THSD7B: variants seen among roughly 807,000 people sequenced by gnomAD.
THSD7B encodes thrombospondin type 1 domain containing 7B.
A neutral mutation model predicts 213.6 loss-of-function variants in THSD7B; 138 were observed. That is an observed-to-expected ratio of 0.65 (90% CI 0.56 to 0.74). The LOEUF (loss-of-function observed/expected upper bound fraction) is 0.74, where lower values mean the gene tolerates loss of function less well. Among genes scored for constraint, THSD7B ranks in the 30% least tolerant of loss-of-function variants. The pLI is 0.00. For missense variants in THSD7B, 1,931 were observed against 1,991.5 expected, an observed-to-expected ratio of 0.97 and a Z score of 0.58; for synonymous variants, 742 against 687.0, an observed-to-expected ratio of 1.08 and a Z score of -1.25.
At chr2:137,092,076 G>A (rs1429429386) in intron 3 of THSD7B, among the ~76,000 whole-genome samples, 2 of 152,046 alleles carry the variant, frequency 1.3e-5, no homozygotes, top group African/African-American at 2.4e-5. Context: ...GAGACACTGC[G>A]CTTTTCATTT....
chr2:137,638,001 A>G (rs1682864368), intron 20 of THSD7B, among the ~76,000 whole-genome samples: 1 of 152,236 alleles, frequency 6.6e-6, no homozygotes, highest in Non-Finnish European at 1.5e-5. Context: ...TCTTGTGCCA[A>G]ATGTGTTCAT....
intron 15 of THSD7B, among the ~76,000 whole-genome samples, chr2:137,506,098 G>T (rs376843912): frequency 3.3e-5 from 5 of 152,104 alleles, no homozygotes; most frequent in African/African-American, 1.2e-4. Flanking sequence ...GGAGGAGGGC[G>T]GCTGAGTGGG....
chr2:137,025,693 C>A (rs1452176958), intron 2 of THSD7B, among the ~76,000 whole-genome samples: 1 of 152,062 alleles, frequency 6.6e-6, no homozygotes, highest in Non-Finnish European at 1.5e-5. Flanking sequence ...AGCATTCTCA[C>A]TTCTTAAAAT....
rs117147472 is a variant in THSD7B, at chr2:137,672,522, G to T, written c.4740-4002G>T. Among the ~76,000 whole-genome samples, 17 of 152,258 alleles carry T rather than the reference G, an allele frequency of 1.1e-4. No individual in the cohort carries two copies. The East Asian group carries it at 2.7e-3, about 24-fold the overall frequency. On this transcript the variant is annotated intron_variant, in intron 27 of 27. Transcript: ENST00000409968. The stretch of plus-strand genomic sequence containing the variant: ...TAAAGTAAGCTGTTGACCTATTACA[G>T]ACCTATTGTTATAAAAACACGTACC...
At chr2:136,952,072 A>G (rs1685047133) in intron 2 of THSD7B, among the ~76,000 whole-genome samples, 1 of 151,848 alleles carries the variant, frequency 6.6e-6, no homozygotes. Context: ...GTTTCACCAT[A>G]TTGGCCAGCT....
In THSD7B at chr2:136,942,217, G is replaced by C. The variant is rs186576841; in HGVS notation, c.139+59900G>C. On this transcript the variant is annotated intron_variant, in intron 2 of 27. Transcript: ENST00000409968. ...TTCCATTGGACTGTATCTCTGTTTT[G>C]GTACCAGTACCATGCTGTTTTGGTC... 1.6e-3 allele frequency among the ~76,000 whole-genome samples: 239 copies of C among 152,124 alleles called. 1 individual carries two copies. Among genetic ancestry groups the C allele is most frequent in the African/African-American group, 5.7e-3 (235 of 41,512 alleles).
At chr2:137,082,167 G>A (rs1349002991) in intron 3 of THSD7B, among the ~76,000 whole-genome samples, 1 of 152,002 alleles carries the variant, frequency 6.6e-6, no homozygotes, top group African/African-American at 2.4e-5. Flanking sequence ...TTTCATCTAA[G>A]TCTTTTACTC....
intron 15 of THSD7B, among the ~76,000 whole-genome samples, chr2:137,474,224 G>T (rs2105096354): frequency 6.6e-6 from 1 of 152,112 alleles, no homozygotes; most frequent in South Asian, 2.1e-4. Context: ...CTGATGTTTG[G>T]TTACTATAGT....
chr2:137,069,796 G>A (rs1687446556), intron 3 of THSD7B, among the ~76,000 whole-genome samples: 1 of 151,364 alleles, frequency 6.6e-6, no homozygotes, highest in Admixed American at 6.6e-5. Context: ...TTCTTTGAAA[G>A]TAGTAGAAAT....
intron 1 of THSD7B, among the ~76,000 whole-genome samples, chr2:136,855,274 C>A (rs1023238019): frequency 1.3e-5 from 2 of 152,078 alleles, no homozygotes; most frequent in East Asian, 3.9e-4. Context: ...TTCCAGTATA[C>A]ATCAGATCAT....
chr2:137,122,066 C>T (rs1217918780), intron 5 of THSD7B, among the ~76,000 whole-genome samples: 1 of 152,076 alleles, frequency 6.6e-6, no homozygotes, highest in African/African-American at 2.4e-5. Flanking sequence ...ATTACTGGGC[C>T]AGAGAGATTG....
At chr2:137,282,043 C>A (rs1423143959) in intron 12 of THSD7B, among the ~76,000 whole-genome samples, 1 of 151,888 alleles carries the variant, frequency 6.6e-6, no homozygotes, top group Non-Finnish European at 1.5e-5. Context: ...GTTCCTATTT[C>A]TCCACATCCT....
chr2:137,573,696 C>T (rs898622368), intron 17 of THSD7B, among the ~76,000 whole-genome samples: 5 of 151,950 alleles, frequency 3.3e-5, no homozygotes, highest in Non-Finnish European at 5.9e-5. Flanking sequence ...CTTTAGTACT[C>T]GTACTAATCC....
At chr2:137,487,611 T>TA (rs1343678107) in intron 15 of THSD7B, among the ~76,000 whole-genome samples, 1 of 150,684 alleles carries the variant, frequency 6.6e-6, no homozygotes, top group Non-Finnish European at 1.5e-5. Context: ...ATAGATGCAA[T>TA]AAAAAATGAT....
At chr2:137,313,701 G>A (rs1683991155) in intron 12 of THSD7B, among the ~76,000 whole-genome samples, 1 of 151,982 alleles carries the variant, frequency 6.6e-6, no homozygotes. Context: ...GAGCCGGCCT[G>A]GTGGTGACAA....
intron 12 of THSD7B, among the ~76,000 whole-genome samples, chr2:137,337,641 A>G (rs527913261): frequency 1.3e-5 from 2 of 152,230 alleles, no homozygotes; most frequent in Admixed American, 6.5e-5. Context: ...TTTAGCAACT[A>G]TCAGTGATTC....
chr2:136,838,048 T>C (rs891340386), intron 1 of THSD7B, among the ~76,000 whole-genome samples: 3 of 152,232 alleles, frequency 2.0e-5, no homozygotes, highest in Non-Finnish European at 2.9e-5. Context: ...GTATGTTTTT[T>C]ATAAAGCATA....
chr2:137,363,414 C>G (rs1418239717), intron 12 of THSD7B, among the ~76,000 whole-genome samples: 1 of 151,902 alleles, frequency 6.6e-6, no homozygotes, highest in Non-Finnish European at 1.5e-5. Context: ...GACAGAGACA[C>G]AAAAAACCCT....
At chr2:137,294,600 AAAAAG>A (rs1683412688) in intron 12 of THSD7B, among the ~76,000 whole-genome samples, 1 of 150,790 alleles carries the variant, frequency 6.6e-6, no homozygotes, top group Non-Finnish European at 1.5e-5. Flanking sequence ...AAAAAAAAAA[AAAAAG>A]AAAGGGAGAG....
Sources: gnomAD v4.1 joint callset for allele counts (sites outside exome capture counted in the v4.1 genomes callset) on GRCh38, gnomAD v4.1.1 for gene constraint, MANE v1.5 for transcripts, NCBI Gene and HGNC (gene_info 2026-07-23, HGNC 2026-07-21) for gene names.